UBE2U: variants seen among roughly 807,000 people sequenced by gnomAD.
UBE2U encodes the protein ubiquitin-conjugating enzyme E2 U.
In UBE2U, 39 loss-of-function variants were observed where a neutral mutation model predicts 41.2. The observed-to-expected ratio is 0.95, with a 90% CI of 0.73 to 1.24. The LOEUF (loss-of-function observed/expected upper bound fraction) is 1.24. Ranked by LOEUF, UBE2U falls within the 50% of genes most tolerant of loss-of-function variation. The pLI, the probability that UBE2U is intolerant of heterozygous loss-of-function variation, is 0.00. For synonymous variants in UBE2U, 107 were observed against 117.8 expected (o/e 0.91, Z 0.60); for missense variants, 336 against 363.1 (o/e 0.93, Z 0.61).
chr1:64,235,835 T>C (rs1644657315), intron 7 of UBE2U, among the ~76,000 whole-genome samples: 1 of 152,196 alleles, frequency 6.6e-6, no homozygotes, highest in Admixed American at 6.5e-5. Context: ...TCTATCATTC[T>C]TTTATTCAAT....
At chr1:64,239,128 A>AGAGGAAGAGGAAGAGGAAAAGGAAGAG (rs1557730256) in intron 7 of UBE2U, among the ~76,000 whole-genome samples, 4 of 23,368 alleles carry the variant, frequency 1.7e-4, no homozygotes, top group Non-Finnish European at 2.8e-4. Context: ...AAGAAGAAGA[A>AGAGGAAGAGGAAGAGGAAAAGGAAGAG]GAAGAAGAAG....
chr1:64,238,482 C>A (rs1374863080), intron 7 of UBE2U, among the ~76,000 whole-genome samples: 3 of 151,568 alleles, frequency 2.0e-5, no homozygotes, highest in African/African-American at 7.3e-5. Flanking sequence ...ATAATGAGAC[C>A]TCACAAGAAC....
intron 8 of UBE2U, among the ~76,000 whole-genome samples, chr1:64,253,317 T>A (rs1645040718): frequency 6.6e-6 from 1 of 152,118 alleles, no homozygotes; most frequent in African/African-American, 2.4e-5. Flanking sequence ...ATGAGGAGAA[T>A]GGAAGCAAGT....
At position 64,220,878 on chromosome 1, in the gene UBE2U, G is replaced by GTTA. The variant is rs773210032; in HGVS notation, c.478_480dup (p.Leu160dup). Reference sequence around the variant, plus strand: ...TTATAGTGAAAGATGACAGCCAGGAGTTACCTAAAGACCCACGTAAATGTA... The same window carrying GTTA: ...TTATAGTGAAAGATGACAGCCAGGAGTTATTACCTAAAGACCCACGTAAATGTA... On this transcript the variant is annotated inframe_insertion, in exon 6 of 10. Coordinates refer to ENST00000371077, the MANE Select transcript of UBE2U (RefSeq NM_001366232.2). The GTTA allele has an allele frequency of 1.6e-5, 25 of 1,606,666 alleles. No individual in the cohort carries two copies. In the African/African-American group the frequency reaches 3.1e-4, roughly 20 times the overall value.
At chr1:64,249,409 T>C (rs1036767708) in intron 8 of UBE2U, among the ~76,000 whole-genome samples, 1 of 137,862 alleles carries the variant, frequency 7.3e-6, no homozygotes, top group Admixed American at 7.2e-5. Context: ...TCACCAGTCA[T>C]ACAAATAAGC....
In UBE2U at chr1:64,220,892, C is replaced by A; in HGVS notation, c.491C>A (p.Pro164Gln). 1 of 1,604,520 alleles carries A rather than the reference C, an allele frequency of 6.2e-7. No homozygotes were observed. Among genetic ancestry groups the A allele is most frequent in the Admixed American group, 1.7e-5 (1 of 57,646 alleles). Residue 164 changes from proline to glutamine, a missense_variant, in exon 6 of 10, where the codon CCA becomes CAA. Transcript: ENST00000371077. ...KDDSQELPKD[P>Q]RKCIRPIKTT... is the part of the protein sequence containing the mutation. The stretch of plus-strand genomic sequence containing the variant: ...GACAGCCAGGAGTTACCTAAAGACC[C>A]ACGTAAATGTATCAGGTAAGTTTTT...
chr1:64,255,004 TAATAA>T (rs1245775554), intron 8 of UBE2U, among the ~76,000 whole-genome samples: 6 of 151,430 alleles, frequency 4.0e-5, no homozygotes. Context: ...GAAAAAAAAT[TAATAA>T]AATAGACCAC....
chr1:64,266,930 T>G, intron 9 of UBE2U, 94 bp from the exon 10 acceptor site: 1 of 1,166,082 alleles, frequency 8.6e-7, no homozygotes, highest in Non-Finnish European at 1.2e-6. Flanking sequence ...CAGATGGTCT[T>G]TGGCATTATC....
intron 1 of UBE2U, among the ~76,000 whole-genome samples, chr1:64,205,089 T>C (rs1174369902): frequency 6.6e-6 from 1 of 152,216 alleles, no homozygotes; most frequent in Non-Finnish European, 1.5e-5. Context: ...TGTTTTTATG[T>C]GTTTGTAAGT....
rs185286894 is a variant in UBE2U at position 64,210,087 on chromosome 1, T to G, written c.242-655T>G. On this transcript the variant is annotated intron_variant, in intron 3 of 9. Coordinates refer to ENST00000371077, the MANE Select transcript of UBE2U (RefSeq NM_001366232.2). Reference sequence around the variant, plus strand: ...TTTTATGATTTAAAATAAATTTATATTTAAGATCTATTAATCTTGTCCTTT... The same window carrying G: ...TTTTATGATTTAAAATAAATTTATAGTTAAGATCTATTAATCTTGTCCTTT... 2.6e-5 allele frequency among the ~76,000 whole-genome samples: 4 copies of G among 152,338 alleles called. No homozygotes were observed. The East Asian group carries it at 7.7e-4, about 29-fold the overall frequency.
In UBE2U at chr1:64,210,857, A is replaced by G. The variant is rs755076575; in HGVS notation, c.339+18A>G. On this transcript the variant is annotated intron_variant, in intron 4 of 9. Transcript: ENST00000371077. ...CCCTACAGGTAAGAATGGATTTCAT[A>G]TAATCCTCTCTTTAATACTTTTAAT... is the stretch of plus-strand genomic sequence containing the variant. The G allele has an allele frequency of 5.9e-6, 9 of 1,534,112 alleles. No individual in the cohort carries two copies. The East Asian group carries it at 1.8e-4, about 31-fold the overall frequency.
At chr1:64,256,614 T>G (rs1243202057) in intron 8 of UBE2U, among the ~76,000 whole-genome samples, 2 of 152,046 alleles carry the variant, frequency 1.3e-5, no homozygotes, top group African/African-American at 4.8e-5. Flanking sequence ...ACACAAAAAT[T>G]AGCTCAAGAT....
chr1:64,265,422 T>C (rs1645241164), intron 9 of UBE2U, among the ~76,000 whole-genome samples: 1 of 152,156 alleles, frequency 6.6e-6, no homozygotes, highest in Admixed American at 6.6e-5. Context: ...GGAAAATAAA[T>C]AGATGCTTTT....
At chr1:64,231,506 A>G (rs1644565103) in intron 6 of UBE2U, among the ~76,000 whole-genome samples, 1 of 152,238 alleles carries the variant, frequency 6.6e-6, no homozygotes, top group African/African-American at 2.4e-5. Context: ...CAATAATAGT[A>G]ATGATTAATT....
chr1:64,239,111 G>GA (rs1168008675), intron 7 of UBE2U, among the ~76,000 whole-genome samples: 38 of 26,830 alleles, frequency 1.4e-3, no homozygotes, highest in African/African-American at 5.1e-3. Context: ...AGAAGAAGAA[G>GA]AAGAAGAAGA....
chr1:64,220,952 G>A (rs1652412604), intron 6 of UBE2U, 45 bp downstream of exon 6: 2 of 1,350,722 alleles, frequency 1.5e-6, no homozygotes, highest in East Asian at 2.4e-5. Context: ...TTTACCAAAA[G>A]GACTATTTAT....
chr1:64,218,086 TA>T (rs1200473957), intron 5 of UBE2U, among the ~76,000 whole-genome samples: 1 of 152,178 alleles, frequency 6.6e-6, no homozygotes, highest in Non-Finnish European at 1.5e-5. Context: ...GGTGTAAGTA[TA>T]CCCCTTCCCC....
At chr1:64,264,189 A>G (rs1183040210) in intron 9 of UBE2U, among the ~76,000 whole-genome samples, 3 of 152,252 alleles carry the variant, frequency 2.0e-5, no homozygotes, top group Admixed American at 2.0e-4. Flanking sequence ...CCCATCAGTC[A>G]GCACAGATTT....
chr1:64,225,204 A>G lies in UBE2U; in HGVS notation c.506+4297A>G, dbSNP rs559224609. Among the ~76,000 whole-genome samples the G allele has an allele frequency of 1.3e-3, 195 of 152,334 alleles. 4 individuals are homozygous for G. Among genetic ancestry groups the G allele is most frequent in the African/African-American group, 4.6e-3 (191 of 41,570 alleles). On this transcript the variant is annotated intron_variant, in intron 6 of 9. Transcript: ENST00000371077. ...GAACCATTATGAAGTAAACTTGTAA[A>G]TGGTATTATCTTGAAAAATCAAGAT...
Sources: gnomAD v4.1 joint callset for allele counts (sites outside exome capture counted in the v4.1 genomes callset) on GRCh38, gnomAD v4.1.1 for gene constraint, MANE v1.5 for transcripts, NCBI Gene and HGNC (gene_info 2026-07-23, HGNC 2026-07-21) for gene names.